MNAT1: variants seen among roughly 807,000 people sequenced by gnomAD.
MNAT1 encodes CDK-activating kinase assembly factor MAT1.
MNAT1 carries 43 observed loss-of-function variants against 42.0 expected under a neutral mutation model. The observed-to-expected ratio is 1.02, with a 90% CI of 0.80 to 1.32. MNAT1 has a LOEUF of 1.32. Among genes scored for constraint, MNAT1 ranks in the 40% most tolerant of loss-of-function variants. MNAT1 has a pLI of 0.00. For missense variants in MNAT1, 306 were observed against 350.4 expected, an observed-to-expected ratio of 0.87 and a Z score of 1.01; for synonymous variants, 118 against 120.0, an observed-to-expected ratio of 0.98 and a Z score of 0.11.
chr14:60,913,291 A>T (rs2035427379), intron 7 of MNAT1, among the ~76,000 whole-genome samples: 2 of 151,716 alleles, frequency 1.3e-5, no homozygotes, highest in South Asian at 4.2e-4. Flanking sequence ...TTTAGCTCGG[A>T]GTAGTTTGAT....
chr14:60,871,930 A>T (rs2034333793), intron 6 of MNAT1, among the ~76,000 whole-genome samples: 1 of 152,064 alleles, frequency 6.6e-6, no homozygotes. Context: ...GTCTCTAAGA[A>T]TTCTTTATAG....
chr14:60,890,342 A>G (rs1023514463), intron 7 of MNAT1, among the ~76,000 whole-genome samples: 2 of 152,200 alleles, frequency 1.3e-5, no homozygotes, highest in African/African-American at 4.8e-5. Flanking sequence ...TGTTGATTGC[A>G]TCTCTTCATC....
At chr14:60,888,113 C>T (rs1375185952) in intron 7 of MNAT1, among the ~76,000 whole-genome samples, 1 of 147,428 alleles carries the variant, frequency 6.8e-6, no homozygotes, top group East Asian at 2.0e-4. Context: ...CCAGCATCAT[C>T]CTGATACCAA....
At chr14:60,884,147 A>G (rs1302897848) in intron 7 of MNAT1, among the ~76,000 whole-genome samples, 1 of 152,012 alleles carries the variant, frequency 6.6e-6, no homozygotes, top group Non-Finnish European at 1.5e-5. Flanking sequence ...TGTATTCCAG[A>G]TCTTAGAAGA....
At chr14:60,914,309 C>T (rs977637314) in intron 7 of MNAT1, among the ~76,000 whole-genome samples, 1 of 152,222 alleles carries the variant, frequency 6.6e-6, no homozygotes, top group Non-Finnish European at 1.5e-5. Flanking sequence ...TCGGCTCAAG[C>T]ACGGTGTACT....
At chr14:60,809,250 A>C (rs902903531) in intron 4 of MNAT1, among the ~76,000 whole-genome samples, 22 of 152,156 alleles carry the variant, frequency 1.4e-4, no homozygotes, top group Admixed American at 1.3e-4. Flanking sequence ...GTATATTTGG[A>C]TCACATAGCT....
At chr14:60,790,860 T>C (rs187982773) in intron 1 of MNAT1, among the ~76,000 whole-genome samples, 85 of 152,320 alleles carry the variant, frequency 5.6e-4, no homozygotes, top group African/African-American at 1.9e-3. Context: ...TAATTAATGT[T>C]ATTTTCTTTC....
At chr14:60,910,062 A>G (rs1326223595) in intron 7 of MNAT1, among the ~76,000 whole-genome samples, 2 of 152,090 alleles carry the variant, frequency 1.3e-5, no homozygotes, top group Non-Finnish European at 2.9e-5. Flanking sequence ...TTGGATTCCT[A>G]GGTATTTTAT....
intron 7 of MNAT1, among the ~76,000 whole-genome samples, chr14:60,963,761 A>C (rs913001248): frequency 4.6e-5 from 7 of 152,208 alleles, no homozygotes; most frequent in Non-Finnish European, 8.8e-5. Flanking sequence ...AGAGTTCACT[A>C]CCTTTCTTAG....
chr14:60,870,924 A>G (rs564347733), intron 6 of MNAT1, among the ~76,000 whole-genome samples: 9 of 152,156 alleles, frequency 5.9e-5, no homozygotes, highest in Non-Finnish European at 8.8e-5. Flanking sequence ...GCCCACAGCA[A>G]TTGTTAATCT....
intron 1 of MNAT1, among the ~76,000 whole-genome samples, chr14:60,787,126 C>A (rs1275237035): frequency 6.6e-6 from 1 of 152,094 alleles, no homozygotes; most frequent in Non-Finnish European, 1.5e-5. Flanking sequence ...CCTTATTACT[C>A]GTATGCAGAC....
intron 7 of MNAT1, among the ~76,000 whole-genome samples, chr14:60,929,005 A>T (rs929295010): frequency 6.6e-6 from 1 of 150,664 alleles, no homozygotes; most frequent in African/African-American, 2.4e-5. Flanking sequence ...AAAATTAGCC[A>T]GTGTGGTCGC....
At chr14:60,948,630 G>A (rs373114805) in intron 7 of MNAT1, among the ~76,000 whole-genome samples, 8 of 152,038 alleles carry the variant, frequency 5.3e-5, no homozygotes, top group Admixed American at 1.3e-4. Flanking sequence ...TGACTTCTCC[G>A]GGTGACCAGT....
chr14:60,826,321 T>C (rs1035723258), intron 6 of MNAT1, among the ~76,000 whole-genome samples: 4 of 144,022 alleles, frequency 2.8e-5, no homozygotes, highest in Non-Finnish European at 3.0e-5. Flanking sequence ...TTTTTTTTTT[T>C]TTTTTTTTTT....
intron 1 of MNAT1, among the ~76,000 whole-genome samples, chr14:60,742,898 GA>G: frequency 6.6e-6 from 1 of 152,286 alleles, no homozygotes; most frequent in Middle Eastern, 3.4e-3. Flanking sequence ...TTCATCAGTT[GA>G]AGAACATTTG....
At chr14:60,961,277 A>G (rs1373702254) in intron 7 of MNAT1, among the ~76,000 whole-genome samples, 1 of 152,160 alleles carries the variant, frequency 6.6e-6, no homozygotes, top group Non-Finnish European at 1.5e-5. Context: ...CTTTCTAATA[A>G]TAACTTTTCA....
intron 7 of MNAT1, among the ~76,000 whole-genome samples, chr14:60,938,470 C>A (rs1298071425): frequency 2.6e-5 from 4 of 152,046 alleles, no homozygotes; most frequent in South Asian, 2.1e-4. Flanking sequence ...CCTTTTCTGC[C>A]TCTATTGAGA....
intron 6 of MNAT1, among the ~76,000 whole-genome samples, chr14:60,836,837 A>G (rs535427962): frequency 1.2e-4 from 19 of 152,284 alleles, no homozygotes; most frequent in Admixed American, 7.2e-4. Flanking sequence ...AGCTGCACCC[A>G]TAGACTCCCC....
intron 7 of MNAT1, among the ~76,000 whole-genome samples, chr14:60,897,048 T>C (rs557197371): frequency 6.6e-6 from 1 of 152,324 alleles, no homozygotes; most frequent in East Asian, 1.9e-4. Flanking sequence ...ATTTATAATT[T>C]ATATCCGCAT....
Sources: allele counts gnomAD v4.1 joint callset (sites outside exome capture counted in the v4.1 genomes callset), GRCh38; gene constraint gnomAD v4.1.1; transcripts MANE v1.5; gene names NCBI Gene and HGNC (gene_info 2026-07-23, HGNC 2026-07-21).